ZNF385D: variants seen among roughly 807,000 people sequenced by gnomAD.
The protein encoded by ZNF385D is zinc finger protein 659.
ZNF385D carries 15 observed loss-of-function variants against 35.8 expected under a neutral mutation model. The observed-to-expected ratio is 0.42, with a 90% CI of 0.28 to 0.64. The LOEUF (loss-of-function observed/expected upper bound fraction) is 0.64, where lower values mean the gene tolerates loss of function less well. ZNF385D is among the 30% of genes least tolerant of loss of function. The pLI is 0.23. For synonymous variants in ZNF385D, 212 were observed against 186.8 expected (o/e 1.13, Z -1.10); for missense variants, 474 against 494.6 (o/e 0.96, Z 0.39).
chr3:21,585,586 A>G (rs1575254075), intron 2 of ZNF385D, among the ~76,000 whole-genome samples: 1 of 152,156 alleles, frequency 6.6e-6, no homozygotes, highest in African/African-American at 2.4e-5. Context: ...TTACCTGGCA[A>G]AATAATCTGG....
At chr3:22,042,366 G>C (rs1297890981) in intron 3 of ZNF385D, among the ~76,000 whole-genome samples, 1 of 151,972 alleles carries the variant, frequency 6.6e-6, no homozygotes, top group African/African-American at 2.4e-5. Context: ...TTACTATACA[G>C]TTGACGATGA....
At chr3:22,049,939 G>A (rs933157232) in intron 3 of ZNF385D, among the ~76,000 whole-genome samples, 7 of 152,132 alleles carry the variant, frequency 4.6e-5, no homozygotes, top group Admixed American at 6.6e-5. Context: ...TGTTTATCAG[G>A]AATAATGGCC....
intron 2 of ZNF385D, among the ~76,000 whole-genome samples, chr3:22,360,689 A>G (rs1228500324): frequency 6.6e-6 from 1 of 151,994 alleles, no homozygotes; most frequent in African/African-American, 2.4e-5. Flanking sequence ...TTCACAGTAG[A>G]GAGCATGAAA....
intron 2 of ZNF385D, among the ~76,000 whole-genome samples, chr3:22,275,447 C>T (rs766458883): frequency 1.3e-5 from 2 of 151,768 alleles, no homozygotes; most frequent in African/African-American, 2.4e-5. Flanking sequence ...TTCTTTGACA[C>T]TTATACTCTA....
chr3:21,781,247 G>C (rs1355298260), intron 3 of ZNF385D, among the ~76,000 whole-genome samples: 1 of 151,922 alleles, frequency 6.6e-6, no homozygotes, highest in African/African-American at 2.4e-5. Context: ...GGAGCTTTAG[G>C]AAAGAAAAAA....
At chr3:22,372,179 C>A (rs1490295948) in intron 2 of ZNF385D, among the ~76,000 whole-genome samples, 1 of 152,086 alleles carries the variant, frequency 6.6e-6, no homozygotes, top group Admixed American at 6.5e-5. Flanking sequence ...GACCTGAGAC[C>A]CTCCAGCTCC....
chr3:21,564,790 T>G, intron 2 of ZNF385D, 106 bp from the exon 3 acceptor site: 1 of 496,990 alleles, frequency 2.0e-6, no homozygotes, highest in Non-Finnish European at 3.5e-6. Flanking sequence ...TTCAATCTAC[T>G]GCTCACATTA....
chr3:21,550,189 A>G (rs1017223880), intron 3 of ZNF385D, among the ~76,000 whole-genome samples: 1 of 152,184 alleles, frequency 6.6e-6, no homozygotes, highest in Non-Finnish European at 1.5e-5. Flanking sequence ...GTTGACCCCA[A>G]TACAACCATT....
chr3:22,029,707 T>C (rs1697804415), intron 3 of ZNF385D, among the ~76,000 whole-genome samples: 1 of 152,210 alleles, frequency 6.6e-6, no homozygotes, highest in South Asian at 2.1e-4. Context: ...ATTTAAGTGT[T>C]GTTAACTTTC....
intron 3 of ZNF385D, among the ~76,000 whole-genome samples, chr3:21,867,299 T>C (rs575096267): frequency 2.0e-5 from 3 of 152,248 alleles, no homozygotes; most frequent in East Asian, 3.9e-4. Context: ...GCATTGGAAA[T>C]TGATTTTTTA....
intron 2 of ZNF385D, among the ~76,000 whole-genome samples, chr3:22,295,727 C>T (rs911258706): frequency 4.7e-4 from 72 of 152,016 alleles, no homozygotes; most frequent in East Asian, 1.9e-4. Context: ...AGTCTGACTT[C>T]GGATGTTTTA....
rs1309655185 is a variant in ZNF385D, at chr3:21,522,918, C to G, written c.277-11895G>C. ...AGTTTAGTGTTTAGTTAGGTGCTAA[C>G]AGCACACTATCCACCGGTAGTATTT... On this transcript the variant is annotated intron_variant, in intron 3 of 7. Coordinates refer to ENST00000281523, the MANE Select transcript of ZNF385D (RefSeq NM_024697.3). Among the ~76,000 whole-genome samples, 4 of 152,158 alleles carry G rather than the reference C, an allele frequency of 2.6e-5. No homozygotes were observed. In the East Asian group the frequency reaches 7.7e-4, roughly 29 times the overall value.
chr3:22,279,800 A>G (rs1575023748), intron 2 of ZNF385D, among the ~76,000 whole-genome samples: 1 of 151,844 alleles, frequency 6.6e-6, no homozygotes, highest in African/African-American at 2.4e-5. Flanking sequence ...GGGTAGATAC[A>G]CAGTAGTGGG....
At chr3:21,720,391 C>T (rs1165136701) in intron 1 of ZNF385D, among the ~76,000 whole-genome samples, 1 of 152,100 alleles carries the variant, frequency 6.6e-6, no homozygotes. Flanking sequence ...CTAGTCTCTA[C>T]AAAAATTTAA....
intron 2 of ZNF385D, among the ~76,000 whole-genome samples, chr3:22,333,015 C>T (rs1695008389): frequency 6.6e-6 from 1 of 151,966 alleles, no homozygotes; most frequent in Admixed American, 6.6e-5. Context: ...GGTTCTCATA[C>T]ATTTTCTTCA....
intron 2 of ZNF385D, among the ~76,000 whole-genome samples, chr3:22,248,981 T>G (rs927272917): frequency 6.6e-6 from 1 of 152,162 alleles, no homozygotes; most frequent in Non-Finnish European, 1.5e-5. Context: ...CACCTGTAAG[T>G]ATTCTGACTG....
chr3:22,211,681 G>A (rs1286229793), intron 2 of ZNF385D, among the ~76,000 whole-genome samples: 3 of 151,874 alleles, frequency 2.0e-5, no homozygotes, highest in Non-Finnish European at 2.9e-5. Context: ...CCAAGGGAGA[G>A]GGTAGGAAAA....
intron 3 of ZNF385D, among the ~76,000 whole-genome samples, chr3:21,989,998 TTTTAGC>T (rs1695060678): frequency 6.6e-6 from 1 of 152,224 alleles, no homozygotes; most frequent in South Asian, 2.1e-4. Context: ...ATCTGTTTTA[TTTTAGC>T]TTTAAAGACA....
intron 3 of ZNF385D, among the ~76,000 whole-genome samples, chr3:21,971,014 C>G (rs1043396063): frequency 6.6e-6 from 1 of 151,954 alleles, no homozygotes; most frequent in East Asian, 1.9e-4. Flanking sequence ...TCCAGACAAT[C>G]AAAAGCTGAG....
Sources: gnomAD v4.1 joint callset for allele counts (sites outside exome capture counted in the v4.1 genomes callset) on GRCh38, gnomAD v4.1.1 for gene constraint, MANE v1.5 for transcripts, NCBI Gene and HGNC (gene_info 2026-07-23, HGNC 2026-07-21) for gene names.